The following ANKRD13A variants were observed in gnomAD, a reference collection of about 807,000 sequenced individuals.
ANKRD13A encodes ankyrin repeat domain-containing protein 13A.
Under a neutral mutation model 81.3 loss-of-function variants are expected in ANKRD13A, and 48 were observed. That is an observed-to-expected ratio of 0.59 (90% CI 0.47 to 0.75). The LOEUF (loss-of-function observed/expected upper bound fraction) is 0.75, where lower values mean the gene tolerates loss of function less well. ANKRD13A is among the 30% of genes least tolerant of loss of function. ANKRD13A has a pLI of 0.00. For missense variants in ANKRD13A, 612 were observed against 734.0 expected, an observed-to-expected ratio of 0.83 and a Z score of 1.92; for synonymous variants, 230 against 270.1, an observed-to-expected ratio of 0.85 and a Z score of 1.45.
At chr12:110,000,332 C>G (rs1889887599) in intron 1 of ANKRD13A, among the ~76,000 whole-genome samples, 1 of 152,120 alleles carries the variant, frequency 6.6e-6, no homozygotes, top group African/African-American at 2.4e-5. Context: ...GGGGCAGAAC[C>G]CAACACTTGA....
chr12:110,013,951 A>AT (rs1368658919), intron 3 of ANKRD13A, among the ~76,000 whole-genome samples: 1 of 152,180 alleles, frequency 6.6e-6, no homozygotes, highest in African/African-American at 2.4e-5. Context: ...ATCACTTACT[A>AT]TGCAGGGATT....
intron 3 of ANKRD13A, among the ~76,000 whole-genome samples, chr12:110,015,184 C>T (rs192180192): frequency 6.6e-5 from 10 of 152,274 alleles, no homozygotes; most frequent in Non-Finnish European, 1.3e-4. Flanking sequence ...TAGTTTAAAA[C>T]TTCAGAAAGC....
At position 110,019,257 on chromosome 12, in the gene ANKRD13A, G is replaced by A. The variant is rs1890952413; in HGVS notation, c.663G>A (p.Arg221=). 3 of 1,613,944 alleles carry A rather than the reference G, an allele frequency of 1.9e-6. No individual in the cohort carries two copies. The highest frequency in any genetic ancestry group is 2.5e-6 in the Non-Finnish European group (3 of 1,179,940). The part of the protein sequence containing the change: ...LTLDLMKPKS[R]EVERRLTSPV... Reference sequence around the variant, plus strand: ...TGGACTTGATGAAGCCAAAAAGCAGGGAAGTTGAGCGGCGGCTCACAAGCC... The same window carrying A: ...TGGACTTGATGAAGCCAAAAAGCAGAGAAGTTGAGCGGCGGCTCACAAGCC... The change falls in exon 6 of 15, where the codon AGG becomes AGA. Residue 221 remains arginine (R), a synonymous_variant. Coordinates refer to ENST00000261739, the MANE Select transcript of ANKRD13A (RefSeq NM_033121.2).
intron 7 of ANKRD13A, 62 bp from the exon 8 acceptor site, chr12:110,025,680 T>C: frequency 3.1e-6 from 4 of 1,284,918 alleles, no homozygotes; most frequent in Non-Finnish European, 4.4e-6. Context: ...TTGCTTTTGC[T>C]GTGCTTACTT....
At position 110,037,396 on chromosome 12, in the gene ANKRD13A, C is replaced by T; in HGVS notation, c.1615C>T (p.Leu539=). The T allele has an allele frequency of 6.2e-7, 1 of 1,614,214 alleles. No individual in the cohort carries two copies. The highest frequency in any genetic ancestry group is 1.1e-5 in the South Asian group (1 of 91,088). ...GAGCCTCCTCACCAGCACAGAAGGCCTGTGCCCCAGCGCCCTGAGCGAGAC... is the reference window on the plus strand; with the variant it reads ...GAGCCTCCTCACCAGCACAGAAGGCTTGTGCCCCAGCGCCCTGAGCGAGAC... ...QESLLTSTEG[L]CPSALSETSR... The change falls in exon 15 of 15, where the codon CTG becomes TTG. Residue 539 remains leucine (L), a synonymous_variant. Transcript: ENST00000261739.
At chr12:110,023,934 A>G in intron 6 of ANKRD13A, 112 bp from the exon 7 acceptor site, 1 of 1,044,528 alleles carries the variant, frequency 9.6e-7, no homozygotes, top group Non-Finnish European at 1.4e-6. Context: ...CATGATTTCC[A>G]AGTGTCCTTC....
Position 110,036,114 on chromosome 12 carries a change from C to A in ANKRD13A, c.1510-147C>A. The A allele has an allele frequency of 1.4e-6, 1 of 724,082 alleles. No individual in the cohort carries two copies. The highest frequency in any genetic ancestry group is 2.4e-6 in the Non-Finnish European group (1 of 411,242). The allele number at this position is 724,082 out of a possible 1,614,324, so 44.9% of individuals were successfully genotyped here. A position where few individuals can be genotyped will look rare whatever the true frequency, so the allele number is the denominator to read the frequency against. The stretch of plus-strand genomic sequence containing the variant: ...CTTAGGTGTTGTTTTTGAGGTAACC[C>A]AAGTCCCTGTTAGCTTTTCACACAG... On this transcript the variant is annotated intron_variant, in intron 13 of 14. Transcript: ENST00000261739. The surrounding 1 kb of genome is among the most constrained non-coding windows in gnomAD (Gnocchi z 4.6).
chr12:109,999,800 G>T lies in ANKRD13A; in HGVS notation c.96+16G>T. The T allele has an allele frequency of 1.3e-6, 2 of 1,526,306 alleles. No homozygotes were observed. The highest frequency in any genetic ancestry group is 2.6e-5 in the East Asian group (1 of 38,960). The allele number at this position is 1,526,306 out of a possible 1,614,324, so 94.5% of individuals were successfully genotyped here. On this transcript the variant is annotated intron_variant, in intron 1 of 14. Transcript: ENST00000261739. The surrounding 1 kb of genome is among the most constrained non-coding windows in gnomAD (Gnocchi z 4.3). Reference sequence around the variant, plus strand: ...GCAGGGCCAGGTGAGGGGCGGGGCGGGGGTCCGTCTCCCGGTGGGGACTTC... The same window carrying T: ...GCAGGGCCAGGTGAGGGGCGGGGCGTGGGTCCGTCTCCCGGTGGGGACTTC...
chr12:110,027,782 G>A lies in ANKRD13A; in HGVS notation c.945+16G>A, dbSNP rs1005542564. 1.6e-5 allele frequency: 26 copies of A among 1,613,750 alleles called. No homozygotes were observed. Among genetic ancestry groups the A allele is most frequent in the Middle Eastern group, 1.6e-4 (1 of 6,062 alleles). On this transcript the variant is annotated intron_variant, in intron 9 of 14. Coordinates refer to ENST00000261739, the MANE Select transcript of ANKRD13A (RefSeq NM_033121.2). ...TGCACAAGGGGTAAGTTGAAGCAAT[G>A]AGCTTTCATTGCAGTTAGATGAAAG... is the stretch of plus-strand genomic sequence containing the variant.
At chr12:110,024,738 C>T (rs1056402982) in intron 7 of ANKRD13A, among the ~76,000 whole-genome samples, 1 of 152,174 alleles carries the variant, frequency 6.6e-6, no homozygotes, top group Non-Finnish European at 1.5e-5. Flanking sequence ...ACGTCATGCT[C>T]AGCAAGATAC....
chr12:110,018,430 G>A lies in ANKRD13A; in HGVS notation c.486G>A (p.Leu162=), dbSNP rs1350133229. 3 of 1,614,014 alleles carry A rather than the reference G, an allele frequency of 1.9e-6. No homozygotes were observed. The highest frequency in any genetic ancestry group is 2.5e-6 in the Non-Finnish European group (3 of 1,180,030). Residue 162 remains leucine (L), a synonymous_variant, in exon 5 of 15, where the codon CTG becomes CTA. Coordinates refer to ENST00000261739, the MANE Select transcript of ANKRD13A (RefSeq NM_033121.2). This position sits in a 1 kb window ranked among gnomAD's most constrained non-coding sequence, Gnocchi z 4.4. The part of the protein sequence containing the change: ...GAKLRVDITL[L]GFENMSWIRG... The stretch of plus-strand genomic sequence containing the variant: ...AACTGCGCGTCGATATCACATTGCT[G>A]GGATTTGAAAACATGAGCTGGATAA...
At chr12:110,006,223 G>C (rs1477996006) in intron 1 of ANKRD13A, among the ~76,000 whole-genome samples, 4 of 152,174 alleles carry the variant, frequency 2.6e-5, no homozygotes, top group Non-Finnish European at 4.4e-5. Context: ...ACTTTTTGCG[G>C]AACTGCCAGC....
At position 110,038,221 on chromosome 12, in the gene ANKRD13A, C is replaced by T. The variant is rs1285850700; in HGVS notation, c.*667C>T. The T allele has an allele frequency of 1.3e-5, 2 of 152,610 alleles. No homozygotes were observed. The highest frequency in any genetic ancestry group is 2.9e-5 in the Non-Finnish European group (2 of 68,034). 9.5% of individuals were successfully genotyped at this position (152,610 alleles called of 1,614,324 possible). A position where few individuals can be genotyped will look rare whatever the true frequency, so the allele number is the denominator to read the frequency against. On this transcript the variant is annotated 3_prime_UTR_variant, in exon 15 of 15. Transcript: ENST00000261739. The stretch of plus-strand genomic sequence containing the variant: ...AAATGGCCATGGATGTTGCCTTAGC[C>T]TTAAACATTACTAATAGTTTCACAT...
intron 6 of ANKRD13A, among the ~76,000 whole-genome samples, chr12:110,020,675 A>G (rs1442840360): frequency 6.6e-6 from 1 of 152,232 alleles, no homozygotes; most frequent in Non-Finnish European, 1.5e-5. Flanking sequence ...TTCTGCAGAC[A>G]GGGAGGCCCC....
Position 110,033,797 on chromosome 12 carries a change from C to T in ANKRD13A, c.1349C>T (p.Ala450Val). 1 of 1,593,392 alleles carries T rather than the reference C, an allele frequency of 6.3e-7. No individual in the cohort carries two copies. The highest frequency in any genetic ancestry group is 8.6e-7 in the Non-Finnish European group (1 of 1,167,796). ...ACTGGACGGTTGCCTTTTGTTTCAG[C>T]TTCCCACATCACAAACTTTGAGGTT... ...QNVEGTQADSASHITNFEVDQ... is the reference protein window; with the variant it reads ...QNVEGTQADSVSHITNFEVDQ... Residue 450 changes from alanine to valine, a missense_variant and splice_region_variant, in exon 13 of 15, where the codon GCT (alanine) becomes GTT (valine). Coordinates refer to ENST00000261739, the MANE Select transcript of ANKRD13A (RefSeq NM_033121.2).
intron 4 of ANKRD13A, among the ~76,000 whole-genome samples, chr12:110,017,180 G>A (rs1172909258): frequency 6.6e-6 from 1 of 152,162 alleles, no homozygotes; most frequent in Admixed American, 6.5e-5. Flanking sequence ...AAATTGCTGG[G>A]ATTACAGGCA....
At chr12:110,016,951 T>C (rs1566052984) in intron 4 of ANKRD13A, among the ~76,000 whole-genome samples, 1 of 152,048 alleles carries the variant, frequency 6.6e-6, no homozygotes, top group Non-Finnish European at 1.5e-5. Context: ...CTTTGTATTT[T>C]TAGTAGAGAG....
chr12:110,035,901 T>C (rs1044573316), intron 13 of ANKRD13A, among the ~76,000 whole-genome samples: 5 of 152,108 alleles, frequency 3.3e-5, no homozygotes, highest in Admixed American at 6.6e-5. Flanking sequence ...GACAACAGAG[T>C]GCGACCCTGT....
chr12:110,030,094 T>C (rs1891586901), intron 11 of ANKRD13A, among the ~76,000 whole-genome samples: 1 of 152,166 alleles, frequency 6.6e-6, no homozygotes, highest in South Asian at 2.1e-4. Context: ...TTTGGATAGT[T>C]GTATGTTCAT....
Sources: gnomAD v4.1 joint callset for allele counts (sites outside exome capture counted in the v4.1 genomes callset) on GRCh38, gnomAD v4.1.1 for gene constraint, Gnocchi (gnomAD v3.1) non-coding constraint, MANE v1.5 for transcripts, NCBI Gene and HGNC (gene_info 2026-07-23, HGNC 2026-07-21) for gene names.